WASHC5: variants seen among roughly 807,000 people sequenced by gnomAD.
WASHC5 encodes the protein WASH complex subunit strumpellin.
In WASHC5, 101 loss-of-function variants were observed where a neutral mutation model predicts 150.4. The observed-to-expected ratio is 0.67, with a 90% CI of 0.57 to 0.79. The LOEUF is 0.79. WASHC5 is among the 30% of genes least tolerant of loss of function. The probability of loss-of-function intolerance (pLI) is 0.00; values close to 1 mark genes in which losing one functional copy is unlikely to be tolerated. For missense variants in WASHC5, 1,195 were observed against 1,396.3 expected, an observed-to-expected ratio of 0.86 and a Z score of 2.30; for synonymous variants, 467 against 491.2, an observed-to-expected ratio of 0.95 and a Z score of 0.65.
At chr8:125,068,527 GCTTT>G (rs1411782313) in intron 9 of WASHC5, among the ~76,000 whole-genome samples, 1 of 152,176 alleles carries the variant, frequency 6.6e-6, no homozygotes, top group Non-Finnish European at 1.5e-5. Context: ...TGCAGATTTT[GCTTT>G]CTATCCTTCC....
chr8:125,079,130 A>ATATG (rs1817162982), intron 5 of WASHC5, among the ~76,000 whole-genome samples, 200 bp from the exon 6 acceptor site: 1 of 119,502 alleles, frequency 8.4e-6, no homozygotes, highest in African/African-American at 3.8e-5. Flanking sequence ...ATATATATAT[A>ATATG]TATATATATA....
chr8:125,044,864 C>A (rs1036377610), intron 20 of WASHC5, 166 bp from the exon 21 acceptor site: 2 of 725,844 alleles, frequency 2.8e-6, no homozygotes, highest in Non-Finnish European at 2.5e-6. Flanking sequence ...CCCAGTGACA[C>A]CCAATGGAAC....
intron 26 of WASHC5, among the ~76,000 whole-genome samples, chr8:125,034,542 G>T (rs947670356): frequency 1.3e-5 from 2 of 151,930 alleles, no homozygotes; most frequent in African/African-American, 4.8e-5. Flanking sequence ...AATGACTGAC[G>T]CCACCAAATA....
chr8:125,066,672 G>C (rs1816751443), intron 10 of WASHC5, among the ~76,000 whole-genome samples: 1 of 152,196 alleles, frequency 6.6e-6, no homozygotes, highest in Non-Finnish European at 1.5e-5. Flanking sequence ...GCAAGGCCTA[G>C]TATGGGCTGA....
intron 17 of WASHC5, among the ~76,000 whole-genome samples, chr8:125,052,449 C>T (rs1037579348): frequency 2.6e-5 from 4 of 151,438 alleles, no homozygotes; most frequent in African/African-American, 9.8e-5. Context: ...GACCTTTCTC[C>T]ATTCGTTTAT....
chr8:125,076,240 T>C, intron 7 of WASHC5, 108 bp downstream of exon 7: 1 of 986,840 alleles, frequency 1.0e-6, no homozygotes, highest in Non-Finnish European at 1.6e-6. Context: ...TAAGTGATGT[T>C]ATGTCCCATT....
intron 11 of WASHC5, 61 bp downstream of exon 11, chr8:125,063,461 A>G: frequency 6.4e-7 from 1 of 1,571,484 alleles, no homozygotes. Context: ...CCAGTTTCCA[A>G]GGTTTCAAAT....
chr8:125,056,539 G>A (rs771663442), intron 16 of WASHC5, 138 bp downstream of exon 16: 175 of 972,474 alleles, frequency 1.8e-4, no homozygotes, highest in Non-Finnish European at 2.6e-4. Context: ...CATAAAACGC[G>A]TTTACCATTG....
chr8:125,090,864 C>A (rs1459469477), intron 1 of WASHC5, among the ~76,000 whole-genome samples: 1 of 152,164 alleles, frequency 6.6e-6, no homozygotes, highest in Non-Finnish European at 1.5e-5. Flanking sequence ...AAGATAAATG[C>A]AAGCTGCATA....
intron 17 of WASHC5, among the ~76,000 whole-genome samples, chr8:125,055,140 C>T (rs544827695): frequency 1.3e-5 from 2 of 152,020 alleles, no homozygotes; most frequent in East Asian, 3.9e-4. Flanking sequence ...GTGAGTAAAA[C>T]GGGCTGGGCA....
At chr8:125,034,501 T>G (rs935100772) in intron 26 of WASHC5, among the ~76,000 whole-genome samples, 2 of 151,430 alleles carry the variant, frequency 1.3e-5, no homozygotes, top group African/African-American at 4.9e-5. Context: ...AGACTCTGTT[T>G]CAGAAAAAAA....
chr8:125,052,609 T>TACACACACACACACACACACAC (rs34684600), intron 17 of WASHC5, among the ~76,000 whole-genome samples: 1 of 141,798 alleles, frequency 7.1e-6, no homozygotes, highest in East Asian at 2.0e-4. Context: ...TCACACACAC[T>TACACACACACACACACACACAC]ACACACACAC....
intron 23 of WASHC5, among the ~76,000 whole-genome samples, chr8:125,042,014 C>A (rs1280034523): frequency 6.6e-6 from 1 of 152,122 alleles, no homozygotes; most frequent in Non-Finnish European, 1.5e-5. Context: ...CAATCTAGAA[C>A]TGGAAATAGA....
At chr8:125,080,648 T>C (rs1021332999) in intron 5 of WASHC5, among the ~76,000 whole-genome samples, 10 of 152,258 alleles carry the variant, frequency 6.6e-5, no homozygotes, top group Non-Finnish European at 1.2e-4. Context: ...GAATCTTGAC[T>C]ATCTCCGACA....
At chr8:125,079,142 A>ATATATATATATATATAC (rs1312566224) in intron 5 of WASHC5, among the ~76,000 whole-genome samples, 11 of 108,166 alleles carry the variant, frequency 1.0e-4, no homozygotes, top group African/African-American at 6.4e-4. Flanking sequence ...ATATATATAC[A>ATATATATATATATATAC]TTTTTTTTTG....
intron 1 of WASHC5, among the ~76,000 whole-genome samples, chr8:125,086,389 C>T (rs1817422532): frequency 6.6e-6 from 1 of 152,164 alleles, no homozygotes; most frequent in Non-Finnish European, 1.5e-5. Flanking sequence ...ATCCTCCCAT[C>T]TCAGCCTCCC....
chr8:125,051,737 A>C (rs1816246016), intron 17 of WASHC5, among the ~76,000 whole-genome samples: 1 of 152,106 alleles, frequency 6.6e-6, no homozygotes, highest in Non-Finnish European at 1.5e-5. Flanking sequence ...AAAATACAAA[A>C]TTAGTCGGGC....
chr8:125,055,487 C>T (rs1345615517), intron 17 of WASHC5, 104 bp downstream of exon 17: 4 of 782,372 alleles, frequency 5.1e-6, no homozygotes, highest in South Asian at 2.7e-5. Context: ...GAATGTCAAA[C>T]AGCCAGATGA....
chr8:125,032,291 G>A lies in WASHC5; in HGVS notation c.3285C>T (p.Phe1095=). 6.2e-7 allele frequency: 1 copy of A among 1,614,162 alleles called. No individual in the cohort carries two copies. The highest frequency in any genetic ancestry group is 1.7e-5 in the Admixed American group (1 of 60,026). Residue 1095 remains phenylalanine, a synonymous_variant, in exon 27 of 29, where the codon TTC becomes TTT. Transcript: ENST00000318410. ...AGATAAACTGGCCAATCAGCGCCAG[G>A]AACTGCTCGGTGTACCGGGAATGGA... The part of the protein sequence containing the change: ...KQFHSRYTEQ[F]LALIGQFICS...
Sources: gnomAD v4.1 joint callset for allele counts (sites outside exome capture counted in the v4.1 genomes callset) on GRCh38, gnomAD v4.1.1 for gene constraint, MANE v1.5 for transcripts, NCBI Gene and HGNC (gene_info 2026-07-23, HGNC 2026-07-21) for gene names.